PACSIN2: variants seen among roughly 807,000 people sequenced by gnomAD.
PACSIN2 encodes protein kinase C and casein kinase substrate in neurons protein 2.
In PACSIN2, 25 loss-of-function variants were observed where a neutral mutation model predicts 63.8. That is an observed-to-expected ratio of 0.39 (90% CI 0.29 to 0.55). PACSIN2 has a LOEUF of 0.55. Among genes scored for constraint, PACSIN2 ranks in the 20% least tolerant of loss-of-function variants. PACSIN2 has a pLI of 0.62. For synonymous variants in PACSIN2, 255 were observed against 256.2 expected, an observed-to-expected ratio of 1.00 and a Z score of 0.05; for missense variants, 518 against 646.9, an observed-to-expected ratio of 0.80 and a Z score of 2.16.
intron 1 of PACSIN2, among the ~76,000 whole-genome samples, chr22:42,960,173 G>A (rs1934080301): frequency 1.3e-5 from 2 of 152,148 alleles, no homozygotes; most frequent in Non-Finnish European, 2.9e-5. Context: ...CCATACATGA[G>A]TCTTCTAATA....
At chr22:43,012,841 A>G (rs1924592213) in intron 1 of PACSIN2, among the ~76,000 whole-genome samples, 2 of 152,084 alleles carry the variant, frequency 1.3e-5, no homozygotes, top group Admixed American at 6.6e-5. Context: ...TTTAGTAGAC[A>G]TGGGGTTTCT....
intron 1 of PACSIN2, among the ~76,000 whole-genome samples, chr22:43,010,730 A>C (rs1047626726): frequency 8.5e-5 from 13 of 152,230 alleles, no homozygotes; most frequent in African/African-American, 1.9e-4. Flanking sequence ...ACAACAACAA[A>C]AAAAGACAAG....
At chr22:42,981,746 C>G (rs1460103481) in intron 1 of PACSIN2, among the ~76,000 whole-genome samples, 2 of 112,266 alleles carry the variant, frequency 1.8e-5, no homozygotes, top group African/African-American at 7.2e-5. Flanking sequence ...CCCCTCTGCC[C>G]GGCCAGTCGC....
At chr22:42,911,530 G>T (rs1931457613) in intron 2 of PACSIN2, among the ~76,000 whole-genome samples, 1 of 152,192 alleles carries the variant, frequency 6.6e-6, no homozygotes, top group Non-Finnish European at 1.5e-5. Flanking sequence ...CAGGAAGAGG[G>T]CCACTCATGG....
rs559059775 is a variant in PACSIN2, at chr22:42,994,058, A to G, written c.-78+20963T>C. Among the ~76,000 whole-genome samples the G allele has an allele frequency of 3.9e-5, 6 of 152,352 alleles. No homozygotes were observed. The South Asian group carries it at 1.2e-3, about 32-fold the overall frequency. On this transcript the variant is annotated intron_variant, in intron 1 of 10. Transcript: ENST00000263246. ...GCTAAAGTCCAGTGAGCTAAAGCCG[A>G]AATCAAATATGAGCTCTCAAGAAGA...
intron 1 of PACSIN2, among the ~76,000 whole-genome samples, chr22:42,982,887 A>AAAAAAAAAAAAC (rs200348918): frequency 3.6e-4 from 46 of 129,558 alleles, no homozygotes; most frequent in Middle Eastern, 4.0e-3. Context: ...AAAAAAAAAA[A>AAAAAAAAAAAAC]AAACAACAAC....
chr22:42,975,776 G>A (rs1014496493), intron 1 of PACSIN2, among the ~76,000 whole-genome samples: 1 of 151,910 alleles, frequency 6.6e-6, no homozygotes, highest in Non-Finnish European at 1.5e-5. Context: ...CAGCTAGGAG[G>A]TTGGCTCCCA....
At chr22:42,959,579 T>C (rs1601580947) in intron 1 of PACSIN2, 1 of 152,230 alleles carries the variant, frequency 6.6e-6, no homozygotes, top group South Asian at 2.1e-4. Flanking sequence ...TACTCTGACA[T>C]CTTCTCCAAG....
intron 1 of PACSIN2, among the ~76,000 whole-genome samples, chr22:42,914,069 C>T (rs1320494630): frequency 6.6e-6 from 1 of 152,234 alleles, no homozygotes; most frequent in East Asian, 1.9e-4. Flanking sequence ...GACTAAGATG[C>T]ATGCACGCTC....
intron 1 of PACSIN2, among the ~76,000 whole-genome samples, chr22:42,948,158 T>G (rs779991479): frequency 4.6e-5 from 7 of 152,210 alleles, no homozygotes; most frequent in Admixed American, 1.3e-4. Context: ...ACCAGCCCAG[T>G]GCAGGGTCCC....
At chr22:42,910,883 C>T (rs1419155150) in intron 2 of PACSIN2, among the ~76,000 whole-genome samples, 1 of 151,984 alleles carries the variant, frequency 6.6e-6, no homozygotes, top group Admixed American at 6.6e-5. Context: ...TTGCCTAGCA[C>T]ACTACAGGTA....
chr22:42,938,540 G>A (rs1364399488), intron 1 of PACSIN2, among the ~76,000 whole-genome samples: 1 of 152,224 alleles, frequency 6.6e-6, no homozygotes, highest in Non-Finnish European at 1.5e-5. Context: ...CTCACCAGGT[G>A]TGTGCTGTGT....
At chr22:42,958,326 C>T (rs915202370) in intron 1 of PACSIN2, among the ~76,000 whole-genome samples, 1 of 152,142 alleles carries the variant, frequency 6.6e-6, no homozygotes, top group East Asian at 1.9e-4. Flanking sequence ...CTAAATATTG[C>T]GTTCCCACCT....
chr22:42,905,090 C>T (rs529006779), intron 2 of PACSIN2, among the ~76,000 whole-genome samples: 15 of 152,318 alleles, frequency 9.8e-5, no homozygotes, highest in African/African-American at 3.6e-4. Flanking sequence ...TTATCTTCAT[C>T]TACAGAAATG....
intron 7 of PACSIN2, among the ~76,000 whole-genome samples, chr22:42,881,401 G>T (rs1461718615): frequency 6.6e-6 from 1 of 152,252 alleles, no homozygotes; most frequent in Non-Finnish European, 1.5e-5. Context: ...GGTGGTCAGA[G>T]GTGAGCAGAA....
At chr22:42,978,347 T>C (rs1255615550) in intron 1 of PACSIN2, among the ~76,000 whole-genome samples, 1 of 152,246 alleles carries the variant, frequency 6.6e-6, no homozygotes, top group Admixed American at 6.5e-5. Context: ...ATACATCTTC[T>C]GTTTCTCTTG....
At chr22:42,973,677 A>G (rs1475894033) in intron 1 of PACSIN2, among the ~76,000 whole-genome samples, 1 of 152,068 alleles carries the variant, frequency 6.6e-6, no homozygotes, top group Non-Finnish European at 1.5e-5. Context: ...TGCCCCATAA[A>G]CCCAGACTGG....
At chr22:42,914,948 C>T (rs1204058858) in intron 1 of PACSIN2, among the ~76,000 whole-genome samples, 1 of 152,178 alleles carries the variant, frequency 6.6e-6, no homozygotes, top group African/African-American at 2.4e-5. Context: ...ACTGCAGCCT[C>T]GAACTCATGG....
chr22:42,895,471 C>T (rs897032262), intron 2 of PACSIN2, among the ~76,000 whole-genome samples: 12 of 152,172 alleles, frequency 7.9e-5, no homozygotes, highest in African/African-American at 2.9e-4. Flanking sequence ...ACCATCAAAT[C>T]ATGTATTTTG....
Sources: allele counts gnomAD v4.1 joint callset (sites outside exome capture counted in the v4.1 genomes callset), GRCh38; gene constraint gnomAD v4.1.1; transcripts MANE v1.5; gene names NCBI Gene and HGNC (gene_info 2026-07-23, HGNC 2026-07-21).